Variants in ACSBG1 observed in about 807,000 individuals in gnomAD.
ACSBG1 encodes the protein acyl-CoA synthetase bubblegum family member 1, also known as long-chain-fatty-acid--CoA ligase ACSBG1.
ACSBG1 carries 39 observed loss-of-function variants against 80.2 expected under a neutral mutation model. That is an observed-to-expected ratio of 0.49 (90% CI 0.38 to 0.64). The LOEUF is 0.64. ACSBG1 is among the 30% of genes least tolerant of loss of function. The pLI is 0.00. For missense variants in ACSBG1, 828 were observed against 966.4 expected, an observed-to-expected ratio of 0.86 and a Z score of 1.90; for synonymous variants, 392 against 379.5, an observed-to-expected ratio of 1.03 and a Z score of -0.38.
chr15:78,183,001 G>A (rs1375574345), intron 5 of ACSBG1: 2 of 591,160 alleles, frequency 3.4e-6, no homozygotes, highest in Non-Finnish European at 6.0e-6. Context: ...GACTGGGGAT[G>A]ACTCCCCATT....
chr15:78,222,288 G>T (rs1283432058), intron 1 of ACSBG1, among the ~76,000 whole-genome samples: 1 of 152,164 alleles, frequency 6.6e-6, no homozygotes, highest in Non-Finnish European at 1.5e-5. Flanking sequence ...GGTTTCTTAG[G>T]GCTAGGGGGA....
Position 78,168,847 on chromosome 15 carries a change from T to C in ACSBG1, c.*2597A>G, listed in dbSNP as rs2074784307. 1.1e-6 allele frequency: 1 copy of C among 945,274 alleles called. No homozygotes were observed. The highest frequency in any genetic ancestry group is 1.7e-6 in the Non-Finnish European group (1 of 587,446). The allele number at this position is 945,274 out of a possible 1,614,324, so 58.6% of individuals were successfully genotyped here. On this transcript the variant is annotated 3_prime_UTR_variant, in exon 14 of 14. Coordinates refer to ENST00000258873, the MANE Select transcript of ACSBG1 (RefSeq NM_015162.5). ...GTAACTTGCCCAGGTGGCATCTCACTGAGGGCTTTAAAATCTCCTTGGTTT... is the reference window on the plus strand; with the variant it reads ...GTAACTTGCCCAGGTGGCATCTCACCGAGGGCTTTAAAATCTCCTTGGTTT...
At position 78,172,033 on chromosome 15, in the gene ACSBG1, G is replaced by A. The variant is rs1224608697; in HGVS notation, c.2090-504C>T. The A allele has an allele frequency of 6.5e-6, 1 of 153,168 alleles. No homozygotes were observed. Among genetic ancestry groups the A allele is most frequent in the Non-Finnish European group, 1.5e-5 (1 of 68,736 alleles). The allele number at this position is 153,168 out of a possible 1,614,324, so 9.5% of individuals were successfully genotyped here. A position where few individuals can be genotyped will look rare whatever the true frequency, so the allele number is the denominator to read the frequency against. ...TGTTGTGAGGATACACAGCCCATGA[G>A]AGGCCCACTGGCCACACACGGATGT... is the stretch of plus-strand genomic sequence containing the variant. On this transcript the variant is annotated intron_variant, in intron 13 of 13. Transcript: ENST00000258873. This position sits in a 1 kb window ranked among gnomAD's most constrained non-coding sequence, Gnocchi z 4.1.
At chr15:78,224,043 C>G (rs2075380616) in intron 1 of ACSBG1, among the ~76,000 whole-genome samples, 1 of 152,124 alleles carries the variant, frequency 6.6e-6, no homozygotes, top group Non-Finnish European at 1.5e-5. Context: ...CCACCGAAAC[C>G]AATTTTGAAC....
intron 7 of ACSBG1, 83 bp from the exon 8 acceptor site, chr15:78,182,228 G>C (rs1242921407): frequency 6.7e-7 from 1 of 1,503,142 alleles, no homozygotes; most frequent in Admixed American, 1.9e-5. Flanking sequence ...CTGGGGGCCA[G>C]CCCCAGTGTG....
intron 1 of ACSBG1, among the ~76,000 whole-genome samples, chr15:78,215,611 G>A (rs2141376022): frequency 6.6e-6 from 1 of 151,934 alleles, no homozygotes. Context: ...AGCCGAGATT[G>A]TGCCATTGCA....
At chr15:78,173,344 CAAAAAAAAAAAA>C (rs59008825) in intron 13 of ACSBG1, among the ~76,000 whole-genome samples, 9 of 75,226 alleles carry the variant, frequency 1.2e-4, no homozygotes, top group South Asian at 1.2e-3. Flanking sequence ...GACTCCATCT[CAAAAAAAAAAAA>C]AAAAAAAAAA....
At chr15:78,207,917 T>TCCCCCCCAC in intron 2 of ACSBG1, 85 bp downstream of exon 2, 2 of 876,064 alleles carry the variant, frequency 2.3e-6, no homozygotes, top group African/African-American at 1.7e-5. Flanking sequence ...TGTGTGGTGG[T>TCCCCCCCAC]CCCCCACACC....
chr15:78,214,503 G>A (rs536861948), intron 1 of ACSBG1, among the ~76,000 whole-genome samples: 2 of 152,210 alleles, frequency 1.3e-5, no homozygotes, highest in East Asian at 1.9e-4. Flanking sequence ...GCAGTGGCCC[G>A]ATTTTGGCTT....
intron 1 of ACSBG1, 114 bp downstream of exon 1, chr15:78,234,257 G>A (rs2075474326): frequency 7.0e-7 from 1 of 1,419,250 alleles, no homozygotes; most frequent in African/African-American, 1.4e-5. Flanking sequence ...TCATTTCCCA[G>A]GTGAAGAAAC....
intron 6 of ACSBG1, 45 bp from the exon 7 acceptor site, chr15:78,182,660 G>A (rs1347070394): frequency 6.2e-7 from 1 of 1,613,588 alleles, no homozygotes; most frequent in Admixed American, 1.7e-5. Flanking sequence ...CAGCTGGGTG[G>A]GCCCAATAGG....
Position 78,171,567 on chromosome 15 carries a change from C to T in ACSBG1, c.2090-38G>A. On this transcript the variant is annotated intron_variant, in intron 13 of 13. Coordinates refer to ENST00000258873, the MANE Select transcript of ACSBG1 (RefSeq NM_015162.5). ...TGAGAAGAAATGAGTGAGGCCCAGG[C>T]TCTGAGAACTCTGAGAATGTGTGTG... is the stretch of plus-strand genomic sequence containing the variant. The T allele has an allele frequency of 2.0e-6, 3 of 1,493,558 alleles. No homozygotes were observed. In the South Asian group the frequency reaches 3.4e-5, roughly 17 times the overall value. The allele number at this position is 1,493,558 out of a possible 1,614,324, so 92.5% of individuals were successfully genotyped here.
At chr15:78,234,321 T>A (rs112047409) in intron 1 of ACSBG1, 50 bp downstream of exon 1, 2 of 1,594,864 alleles carry the variant, frequency 1.3e-6, no homozygotes, top group Admixed American at 1.7e-5. Context: ...GAGCAAAGTC[T>A]AGAACTCGGC....
At chr15:78,222,330 G>C (rs2075365573) in intron 1 of ACSBG1, among the ~76,000 whole-genome samples, 1 of 152,154 alleles carries the variant, frequency 6.6e-6, no homozygotes, top group South Asian at 2.1e-4. Flanking sequence ...CTACTAATGG[G>C]TATAGGGTTC....
At chr15:78,190,706 G>T (rs2075049903) in intron 5 of ACSBG1, among the ~76,000 whole-genome samples, 1 of 152,112 alleles carries the variant, frequency 6.6e-6, no homozygotes, top group Non-Finnish European at 1.5e-5. Flanking sequence ...GGAAGTGGAA[G>T]TATACTGTTG....
At position 78,194,032 on chromosome 15, in the gene ACSBG1, A is replaced by C. The variant is rs2075085032; in HGVS notation, c.454-12T>G. 1 of 1,613,620 alleles carries C rather than the reference A, an allele frequency of 6.2e-7. No homozygotes were observed. The highest frequency in any genetic ancestry group is 8.5e-7 in the Non-Finnish European group (1 of 1,179,904). ...TGCTTCAGGCCGAGCTCCAGGTCAA[A>C]GGCAGACAGGCCAGGTCAGCCGGGC... On this transcript the variant is annotated splice_polypyrimidine_tract_variant and intron_variant, in intron 3 of 13. Transcript: ENST00000258873.
At chr15:78,208,427 C>A (rs1266806053) in intron 1 of ACSBG1, among the ~76,000 whole-genome samples, 1 of 152,108 alleles carries the variant, frequency 6.6e-6, no homozygotes, top group African/African-American at 2.4e-5. Flanking sequence ...GTCTCAGCAC[C>A]CCACCTGGAT....
rs1358178368 is a variant in ACSBG1 at position 78,171,409 on chromosome 15, C to T, written c.*35G>A. On this transcript the variant is annotated 3_prime_UTR_variant, in exon 14 of 14. Coordinates refer to ENST00000258873, the MANE Select transcript of ACSBG1 (RefSeq NM_015162.5). ...CAGGAAGAGGCTCGGAACGCCTGCC[C>T]TCTATTCTATAGAAACTGCAGGCAT... The T allele has an allele frequency of 2.5e-6, 4 of 1,578,478 alleles. No homozygotes were observed. Among genetic ancestry groups the T allele is most frequent in the Non-Finnish European group, 2.6e-6 (3 of 1,148,610 alleles).
chr15:78,222,116 TA>T (rs1222832084), intron 1 of ACSBG1, among the ~76,000 whole-genome samples: 2 of 152,110 alleles, frequency 1.3e-5, no homozygotes, highest in Admixed American at 6.5e-5. Flanking sequence ...TATTTGGCCA[TA>T]AAAAAATGAA....
Sources: allele counts gnomAD v4.1 joint callset (sites outside exome capture counted in the v4.1 genomes callset), GRCh38; gene constraint gnomAD v4.1.1; non-coding constraint Gnocchi (gnomAD v3.1); transcripts MANE v1.5; gene names NCBI Gene and HGNC (gene_info 2026-07-23, HGNC 2026-07-21).